FGD5: variants seen among roughly 807,000 people sequenced by gnomAD.
The protein encoded by FGD5 is FYVE, RhoGEF and PH domain-containing protein 5.
FGD5 carries 28 observed loss-of-function variants against 133.4 expected under a neutral mutation model. The observed-to-expected ratio is 0.21, with a 90% CI of 0.16 to 0.29. The LOEUF is 0.29. Among genes scored for constraint, FGD5 ranks in the 10% least tolerant of loss-of-function variants. The pLI is 1.00. For missense variants in FGD5, 1,858 were observed against 1,895.2 expected (o/e 0.98, Z 0.36); for synonymous variants, 810 against 776.5 (o/e 1.04, Z -0.72).
At chr3:14,821,719 A>G (rs774115436) in intron 1 of FGD5, 123 bp downstream of exon 1, 29 of 1,351,644 alleles carry the variant, frequency 2.1e-5, no homozygotes, top group Non-Finnish European at 2.8e-5. Context: ...AGCTGTGTTG[A>G]CTTGGGGTGA....
chr3:14,830,595 G>A (rs1467080116), intron 1 of FGD5, among the ~76,000 whole-genome samples: 1 of 152,204 alleles, frequency 6.6e-6, no homozygotes, highest in Non-Finnish European at 1.5e-5. Flanking sequence ...TAATAGAAGA[G>A]AGTCTTATTG....
At chr3:14,825,669 G>C (rs2036586526) in intron 1 of FGD5, among the ~76,000 whole-genome samples, 1 of 151,934 alleles carries the variant, frequency 6.6e-6, no homozygotes, top group African/African-American at 2.4e-5. Context: ...GAAATGAAAT[G>C]TATCCCTGAA....
chr3:14,897,607 C>G lies in FGD5; in HGVS notation c.2847C>G (p.Leu949=). 1 of 1,605,638 alleles carries G rather than the reference C, an allele frequency of 6.2e-7. No homozygotes were observed. Among genetic ancestry groups the G allele is most frequent in the Non-Finnish European group, 8.5e-7 (1 of 1,176,168 alleles). ...AGCTGAGGCAGGGCCTGAGTGAACT[C>G]CCAGCCATCCACGACCTTCATCAAG... ...REELRQGLSE[L]PAIHDLHQGI... The change falls in exon 5 of 20, where the codon CTC becomes CTG. Residue 949 remains leucine (L), a synonymous_variant. Coordinates refer to ENST00000285046, the MANE Select transcript of FGD5 (RefSeq NM_152536.4).
chr3:14,889,199 G>A (rs147983290), intron 4 of FGD5, among the ~76,000 whole-genome samples: 260 of 152,268 alleles, frequency 1.7e-3, no homozygotes, highest in Admixed American at 3.5e-3. Context: ...CCCCAGGGGC[G>A]TATGTTTGTA....
At chr3:14,893,752 C>CTTTTTTTTTTTTTTTTTTTTTTTT (rs138741627) in intron 4 of FGD5, among the ~76,000 whole-genome samples, 93 of 95,058 alleles carry the variant, frequency 9.8e-4, no homozygotes, top group Non-Finnish European at 1.1e-3. Context: ...TTTCTTTTTT[C>CTTTTTTTTTTTTTTTTTTTTTTTT]TTTTTTTTTT....
intron 4 of FGD5, among the ~76,000 whole-genome samples, chr3:14,881,483 G>T (rs1334426385): frequency 6.6e-6 from 1 of 152,210 alleles, no homozygotes; most frequent in Admixed American, 6.5e-5. Flanking sequence ...GGATGAGGGG[G>T]TGACCAACAA....
At chr3:14,883,311 A>G (rs2037862166) in intron 4 of FGD5, among the ~76,000 whole-genome samples, 1 of 152,194 alleles carries the variant, frequency 6.6e-6, no homozygotes, top group African/African-American at 2.4e-5. Context: ...CCTTACAGAA[A>G]AAGCTTACTG....
At chr3:14,887,473 G>A (rs2037946253) in intron 4 of FGD5, among the ~76,000 whole-genome samples, 1 of 151,772 alleles carries the variant, frequency 6.6e-6, no homozygotes, top group Non-Finnish European at 1.5e-5. Context: ...AGCTTAGGTT[G>A]CAGTGTACCT....
Position 14,819,737 on chromosome 3 carries a change from C to G in FGD5, c.666C>G (p.Ala222=). 1.3e-6 allele frequency: 2 copies of G among 1,536,214 alleles called. No individual in the cohort carries two copies. The highest frequency in any genetic ancestry group is 1.8e-6 in the Non-Finnish European group (2 of 1,139,764). The part of the protein sequence containing the change: ...EAEEDDEEGC[A]STDPAGADEG... ...AGGAGGATGATGAGGAAGGCTGTGC[C>G]AGCACAGACCCAGCAGGGGCAGATG... Residue 222 remains alanine, a synonymous_variant, in exon 1 of 20, where the codon GCC becomes GCG. Coordinates refer to ENST00000285046, the MANE Select transcript of FGD5 (RefSeq NM_152536.4). This position sits in a 1 kb window ranked among gnomAD's most constrained non-coding sequence, Gnocchi z 4.1.
chr3:14,933,110 C>T, intron 19 of FGD5, 21 bp from the exon 20 acceptor site: 2 of 1,612,366 alleles, frequency 1.2e-6, no homozygotes, highest in Non-Finnish European at 1.7e-6. Flanking sequence ...AACCAAATGT[C>T]CTCCCTGTTT....
intron 10 of FGD5, among the ~76,000 whole-genome samples, chr3:14,908,866 C>T (rs908124551): frequency 1.3e-5 from 2 of 150,990 alleles, no homozygotes; most frequent in African/African-American, 4.9e-5. Context: ...GGCGACAGTG[C>T]GAGACTCCCT....
At chr3:14,930,734 A>G (rs923178086) in intron 18 of FGD5, 19 of 152,232 alleles carry the variant, frequency 1.2e-4, no homozygotes, top group African/African-American at 4.6e-4. Flanking sequence ...GAATCTTTCA[A>G]TCCATGAACA....
chr3:14,849,997 C>T (rs1411960188), intron 1 of FGD5, among the ~76,000 whole-genome samples: 2 of 152,180 alleles, frequency 1.3e-5, no homozygotes, highest in African/African-American at 2.4e-5. Flanking sequence ...CTGCCCCTCT[C>T]ATAGCTCCTG....
chr3:14,919,818 G>T (rs1359494619), intron 13 of FGD5, among the ~76,000 whole-genome samples: 1 of 152,086 alleles, frequency 6.6e-6, no homozygotes, highest in African/African-American at 2.4e-5. Flanking sequence ...AGGAGCAAGG[G>T]TCTCTCTGGG....
chr3:14,924,747 A>C (rs150329958), intron 17 of FGD5, among the ~76,000 whole-genome samples: 34 of 152,296 alleles, frequency 2.2e-4, no homozygotes, highest in African/African-American at 7.2e-4. Flanking sequence ...GGGAATGGAA[A>C]ATTTAAATAG....
intron 1 of FGD5, among the ~76,000 whole-genome samples, chr3:14,823,176 C>T (rs915654633): frequency 6.6e-6 from 1 of 152,162 alleles, no homozygotes; most frequent in Admixed American, 6.5e-5. Context: ...CAGGGGTGGA[C>T]AAGACCCATC....
intron 17 of FGD5, among the ~76,000 whole-genome samples, chr3:14,925,126 A>AAAAAAAAAAC (rs1203220701): frequency 1.6e-5 from 2 of 127,516 alleles, no homozygotes; most frequent in Non-Finnish European, 3.3e-5. Context: ...AAAAAAAAAA[A>AAAAAAAAAAC]AACACATACA....
chr3:14,901,744 T>C (rs2038243367), intron 9 of FGD5, among the ~76,000 whole-genome samples: 1 of 152,200 alleles, frequency 6.6e-6, no homozygotes, highest in South Asian at 2.1e-4. Context: ...TGCTATACTT[T>C]GCTGTGGCAG....
rs1288616180 is a variant in FGD5 at position 14,820,896 on chromosome 3, CCTT to C, written c.1830_1832del (p.Ser611del). The C allele has an allele frequency of 3.1e-6, 5 of 1,613,712 alleles. No homozygotes were observed. The Admixed American group carries it at 6.7e-5, about 22-fold the overall frequency. ...CCTTCCGTCCAGCGGCACCTCCACG[CCTT>C]CTTCCATGGTCGACATCCCACCTCC... On this transcript the variant is annotated inframe_deletion, in exon 1 of 20. Coordinates refer to ENST00000285046, the MANE Select transcript of FGD5 (RefSeq NM_152536.4).
Sources: allele counts gnomAD v4.1 joint callset (sites outside exome capture counted in the v4.1 genomes callset), GRCh38; gene constraint gnomAD v4.1.1; non-coding constraint Gnocchi (gnomAD v3.1); transcripts MANE v1.5; gene names NCBI Gene and HGNC (gene_info 2026-07-23, HGNC 2026-07-21).